Variants in MYO7B observed in about 807,000 individuals in gnomAD.
MYO7B encodes the protein unconventional myosin-VIIb.
A neutral mutation model predicts 259.7 loss-of-function variants in MYO7B; 212 were observed. The ratio of observed to expected loss-of-function variants is 0.82; its 90% CI spans 0.73 to 0.91. MYO7B has a LOEUF of 0.91. Ranked by LOEUF, MYO7B falls within the 40% of genes least tolerant of loss-of-function variation. The probability of loss-of-function intolerance (pLI) is 0.00; values close to 1 mark genes in which losing one functional copy is unlikely to be tolerated. For missense variants in MYO7B, 2,732 were observed against 2,813.5 expected (o/e 0.97, Z 0.66); for synonymous variants, 1,197 against 1,166.4 (o/e 1.03, Z -0.54).
At chr2:127,578,509 C>T (rs2104923461) in intron 9 of MYO7B, among the ~76,000 whole-genome samples, 1 of 152,196 alleles carries the variant, frequency 6.6e-6, no homozygotes, top group South Asian at 2.1e-4. Flanking sequence ...GCCAATCATC[C>T]CCCACTTTTA....
rs1558844664 is a variant in MYO7B at position 127,624,319 on chromosome 2, AGGTGAG to A, written c.4047+2_4047+7del. The A allele has an allele frequency of 6.4e-7, 1 of 1,569,572 alleles. No homozygotes were observed. The highest frequency in any genetic ancestry group is 1.9e-5 in the Admixed American group (1 of 53,984). Reference sequence around the variant, plus strand: ...TGGTCTGGCGAGTACAGCTTCGAGAAGGTGAGGGGCCTGAGAGCCAGGTCCACCCTA... The same window carrying A: ...TGGTCTGGCGAGTACAGCTTCGAGAAGGGCCTGAGAGCCAGGTCCACCCTA... On this transcript the variant is annotated splice_donor_variant and splice_donor_5th_base_variant and coding_sequence_variant and intron_variant, in exon 30 of 48. Coordinates refer to ENST00000409816, the MANE Select transcript of MYO7B (RefSeq NM_001393586.1). LOFTEE classifies it high-confidence loss of function.
intron 2 of MYO7B, among the ~76,000 whole-genome samples, chr2:127,561,267 G>A (rs1678074562): frequency 6.6e-6 from 1 of 151,726 alleles, no homozygotes; most frequent in South Asian, 2.1e-4. Context: ...TGAGAGGAGA[G>A]TAATTTTTTT....
At chr2:127,555,750 G>A (rs1693612098) in intron 1 of MYO7B, among the ~76,000 whole-genome samples, 4 of 152,102 alleles carry the variant, frequency 2.6e-5, no homozygotes, top group Admixed American at 2.6e-4. Context: ...TTCCACTGTG[G>A]TCTGAGAGAG....
chr2:127,593,714 G>A, intron 18 of MYO7B, 70 bp downstream of exon 18: 1 of 1,428,500 alleles, frequency 7.0e-7, no homozygotes, highest in East Asian at 2.3e-5. Flanking sequence ...CTTGCACCAG[G>A]CCCGGGGTCC....
intron 28 of MYO7B, among the ~76,000 whole-genome samples, chr2:127,622,751 G>C (rs1387985688): frequency 6.6e-6 from 1 of 152,220 alleles, no homozygotes; most frequent in Admixed American, 6.5e-5. Flanking sequence ...CCCTGGAATT[G>C]TAGGTGAACT....
intron 43 of MYO7B, 52 bp downstream of exon 43, chr2:127,635,278 AC>A: frequency 6.6e-7 from 1 of 1,514,518 alleles, no homozygotes; most frequent in Non-Finnish European, 9.0e-7. Flanking sequence ...ATCTTCCCAC[AC>A]CTGTTCTGAG....
chr2:127,632,721 G>A (rs1456805126), intron 39 of MYO7B, among the ~76,000 whole-genome samples: 1 of 152,068 alleles, frequency 6.6e-6, no homozygotes, highest in Non-Finnish European at 1.5e-5. Flanking sequence ...GAGGTCAGAG[G>A]CCCATCCTTC....
chr2:127,545,516 C>T (rs572090797), intron 1 of MYO7B, among the ~76,000 whole-genome samples: 2 of 152,302 alleles, frequency 1.3e-5, no homozygotes, highest in South Asian at 4.1e-4. Flanking sequence ...AGAGACAAGT[C>T]GGGGAAAATG....
rs1231462709 is a variant in MYO7B, at chr2:127,633,356, C to G, written c.5504C>G (p.Thr1835Ser). Residue 1835 changes from threonine to serine, a missense_variant, in exon 40 of 48, where the codon ACC (threonine) becomes AGC (serine). Thr to Ser is a moderately conservative substitution (Grantham distance 58). Transcript: ENST00000409816. ...ICHKIYFPND[T>S]SEMLEVVANT... ...CACAAGATCTACTTCCCCAATGACACCAGTGAGGTGAGGCCCTGCTCTGGT... is the reference window on the plus strand; with the variant it reads ...CACAAGATCTACTTCCCCAATGACAGCAGTGAGGTGAGGCCCTGCTCTGGT... 1 of 1,612,802 alleles carries G rather than the reference C, an allele frequency of 6.2e-7. No individual in the cohort carries two copies. The highest frequency in any genetic ancestry group is 8.5e-7 in the Non-Finnish European group (1 of 1,179,628).
At chr2:127,573,784 A>G (rs1678744127) in intron 6 of MYO7B, 136 bp from the exon 7 acceptor site, 15 of 1,163,074 alleles carry the variant, frequency 1.3e-5, no homozygotes, top group Non-Finnish European at 1.8e-5. Flanking sequence ...GGCTTCCGTC[A>G]CTGTCTGGTG....
chr2:127,592,685 G>A, intron 16 of MYO7B, 109 bp from the exon 17 acceptor site: 1 of 1,431,858 alleles, frequency 7.0e-7, no homozygotes, highest in South Asian at 1.3e-5. Context: ...CGGGGGGCTG[G>A]ACACACTGAC....
chr2:127,624,246 G>A lies in MYO7B; in HGVS notation c.3973G>A (p.Asp1325Asn). ...FFTPWHDSRE[D>N]PVSTELIYRQ... is the part of the protein sequence containing the mutation. ...CACCCCCTGGCACGACTCCCGGGAG[G>A]ACCCTGTCAGCACCGAGCTTATTTA... is the stretch of plus-strand genomic sequence containing the variant. Residue 1325 changes from aspartate to asparagine, a missense_variant, in exon 30 of 48, where the codon GAC (aspartate) becomes AAC (asparagine). Physicochemically the swap from Asp to Asn is conservative, Grantham distance 23. Transcript: ENST00000409816. The A allele has an allele frequency of 6.3e-7, 1 of 1,596,554 alleles. No homozygotes were observed. The highest frequency in any genetic ancestry group is 8.5e-7 in the Non-Finnish European group (1 of 1,172,342).
intron 4 of MYO7B, 112 bp from the exon 5 acceptor site, chr2:127,566,531 T>A: frequency 1.1e-6 from 1 of 937,356 alleles, no homozygotes; most frequent in Non-Finnish European, 1.5e-6. Flanking sequence ...CCCACCAAAG[T>A]CAGTGGCCCT....
Position 127,563,087 on chromosome 2 carries a change from C to T in MYO7B, c.19-1066C>T, listed in dbSNP as rs552148718. On this transcript the variant is annotated intron_variant, in intron 2 of 47. Transcript: ENST00000409816. ...CAATTTTTTCATTCGGCTCTGCCAACTCATGTCTCATCCTTTTTCTCAGTT... is the reference window on the plus strand; with the variant it reads ...CAATTTTTTCATTCGGCTCTGCCAATTCATGTCTCATCCTTTTTCTCAGTT... Among the ~76,000 whole-genome samples, 194 of 152,286 alleles carry T rather than the reference C, an allele frequency of 1.3e-3. 2 individuals are homozygous for T. Among genetic ancestry groups the T allele is most frequent in the African/African-American group, 4.2e-3 (173 of 41,556 alleles).
intron 1 of MYO7B, among the ~76,000 whole-genome samples, chr2:127,549,163 C>CCTTTCTTT (rs71841221): frequency 1.9e-5 from 1 of 53,828 alleles, no homozygotes. Context: ...TTCCTTCCTT[C>CCTTTCTTT]CTTTCTTTCT....
At position 127,592,851 on chromosome 2, in the gene MYO7B, G is replaced by A. The variant is rs370029403; in HGVS notation, c.2050G>A (p.Val684Met). Residue 684 changes from valine (V) to methionine (M), a missense_variant, in exon 17 of 48, where the codon GTG becomes ATG. Physicochemically the swap from Val to Met is conservative, Grantham distance 21. Around this residue, in one of 3 missense-constraint regions of MYO7B, gnomAD observed 1,906 missense variants for 2,026.4 expected, o/e 0.94. Coordinates refer to ENST00000409816, the MANE Select transcript of MYO7B (RefSeq NM_001393586.1). ...GCGATACTCGGGCATGATGGAGACC[G>A]TGCACATCCGCAAGTCGGGCTTCCC... ...QLRYSGMMETVHIRKSGFPIR... is the reference protein window; with the variant it reads ...QLRYSGMMETMHIRKSGFPIR... 1.7e-5 allele frequency: 28 copies of A among 1,610,400 alleles called. No homozygotes were observed. Among genetic ancestry groups the A allele is most frequent in the Admixed American group, 8.4e-5 (5 of 59,820 alleles).
chr2:127,567,662 GATTCATTCATTC>G (rs111424295), intron 5 of MYO7B, among the ~76,000 whole-genome samples: 5 of 152,022 alleles, frequency 3.3e-5, no homozygotes, highest in Non-Finnish European at 5.9e-5. Context: ...CCACCTGGGG[GATTCATTCATTC>G]ATTCATTCAT....
chr2:127,584,471 A>T lies in MYO7B; in HGVS notation c.1554+139A>T. The T allele has an allele frequency of 3.1e-6, 3 of 956,148 alleles. No individual in the cohort carries two copies. The highest frequency in any genetic ancestry group is 4.6e-6 in the Non-Finnish European group (3 of 649,670). 59.2% of individuals were successfully genotyped at this position (956,148 alleles called of 1,614,324 possible). On this transcript the variant is annotated intron_variant, in intron 13 of 47. Transcript: ENST00000409816. This position sits in a 1 kb window ranked among gnomAD's most constrained non-coding sequence, Gnocchi z 5.8. The stretch of plus-strand genomic sequence containing the variant: ...TGCCAGGAATAAGCAGAAGAGCCTC[A>T]GTCTAACCAGACAGACCCTCCTCTC...
chr2:127,569,017 G>T (rs1678475281), intron 5 of MYO7B, among the ~76,000 whole-genome samples: 1 of 152,022 alleles, frequency 6.6e-6, no homozygotes, highest in Non-Finnish European at 1.5e-5. Context: ...AGACCAGACT[G>T]GTCAACATGG....
Sources: gnomAD v4.1 joint callset for allele counts (sites outside exome capture counted in the v4.1 genomes callset) on GRCh38, gnomAD v4.1.1 for gene constraint, gnomAD v4.1.1 regional missense constraint, Gnocchi (gnomAD v3.1) non-coding constraint, MANE v1.5 for transcripts, NCBI Gene and HGNC (gene_info 2026-07-23, HGNC 2026-07-21) for gene names.